The following ADK variants were observed in gnomAD, a reference collection of about 807,000 sequenced individuals.
ADK encodes N6,N6-dimethyladenosine kinase.
Under a neutral mutation model 44.7 loss-of-function variants are expected in ADK, and 24 were observed. That is an observed-to-expected ratio of 0.54 (90% CI 0.39 to 0.76). The LOEUF (loss-of-function observed/expected upper bound fraction) is 0.76, where lower values mean the gene tolerates loss of function less well. Among genes scored for constraint, ADK ranks in the 30% least tolerant of loss-of-function variants. The pLI is 0.00. For synonymous variants in ADK, 128 were observed against 142.6 expected (o/e 0.90, Z 0.73); for missense variants, 321 against 425.1 (o/e 0.76, Z 2.15).
At chr10:74,582,269 C>T (rs1851397197) in intron 7 of ADK, among the ~76,000 whole-genome samples, 1 of 151,672 alleles carries the variant, frequency 6.6e-6, no homozygotes, top group Admixed American at 6.6e-5. Context: ...TGTGATCCTG[C>T]CACTGTATTC....
intron 9 of ADK, among the ~76,000 whole-genome samples, chr10:74,633,281 A>G (rs1008428981): frequency 1.3e-5 from 2 of 152,174 alleles, no homozygotes; most frequent in East Asian, 1.9e-4. Context: ...TTTGCTTAAT[A>G]TATCTTAGAG....
At chr10:74,296,278 G>T (rs2132498532) in intron 3 of ADK, among the ~76,000 whole-genome samples, 1 of 152,098 alleles carries the variant, frequency 6.6e-6, no homozygotes, top group Admixed American at 6.5e-5. Flanking sequence ...AAAGTCCAAG[G>T]CCTACTTCTT....
At chr10:74,336,032 T>A (rs945010571) in intron 4 of ADK, among the ~76,000 whole-genome samples, 2 of 152,202 alleles carry the variant, frequency 1.3e-5, no homozygotes, top group African/African-American at 2.4e-5. Context: ...CAAATTTATG[T>A]ACTTTTAAAA....
Position 74,324,065 on chromosome 10 carries a change from G to A in ADK, c.273+9320G>A, listed in dbSNP as rs532981521. Among the ~76,000 whole-genome samples the A allele has an allele frequency of 3.5e-3, 523 of 149,420 alleles. 4 individuals carry two copies. The highest frequency in any genetic ancestry group is 5.9e-3 in the Non-Finnish European group (394 of 67,002). ...GGAGATGGCATCTTGCTCTGTCTTC[G>A]AGGCTGGAGTGCAGTGGCACAATCA... On this transcript the variant is annotated intron_variant, in intron 4 of 10. Coordinates refer to ENST00000539909, the MANE Select transcript of ADK (RefSeq NM_006721.4).
At chr10:74,493,675 C>T (rs1352635794) in intron 6 of ADK, among the ~76,000 whole-genome samples, 1 of 151,950 alleles carries the variant, frequency 6.6e-6, no homozygotes, top group Admixed American at 6.6e-5. Flanking sequence ...CAATTCTTAG[C>T]ACATAACTCT....
chr10:74,685,919 G>A (rs1855768703), intron 10 of ADK, among the ~76,000 whole-genome samples: 1 of 151,926 alleles, frequency 6.6e-6, no homozygotes, highest in Non-Finnish European at 1.5e-5. Flanking sequence ...TATTATAACA[G>A]TGGTTAAGAC....
At chr10:74,336,196 G>A (rs189029279) in intron 4 of ADK, among the ~76,000 whole-genome samples, 89 of 148,880 alleles carry the variant, frequency 6.0e-4, no homozygotes, top group African/African-American at 2.0e-3. Context: ...ATTGGGTGAG[G>A]TCTGTAACAG....
At chr10:74,422,934 G>A (rs1844615607) in intron 6 of ADK, among the ~76,000 whole-genome samples, 2 of 152,260 alleles carry the variant, frequency 1.3e-5, no homozygotes, top group South Asian at 4.2e-4. Context: ...GGAGGGGGCT[G>A]CAGCCTGATG....
At position 74,210,201 on chromosome 10, in the gene ADK, C is replaced by T. The variant is rs993200104; in HGVS notation, c.140+9363C>T. Among the ~76,000 whole-genome samples the T allele has an allele frequency of 7.2e-5, 11 of 151,754 alleles. No individual in the cohort carries two copies. The East Asian group carries it at 1.4e-3, about 19-fold the overall frequency. On this transcript the variant is annotated intron_variant, in intron 2 of 10. Transcript: ENST00000539909. ...AAAATTAGCTGGGTGTGGTGGCACA[C>T]GCCTGCAGTCCCAGCTACTCAGGAG...
chr10:74,289,556 G>A (rs1464829269), intron 3 of ADK, among the ~76,000 whole-genome samples: 1 of 152,082 alleles, frequency 6.6e-6, no homozygotes, highest in Non-Finnish European at 1.5e-5. Flanking sequence ...GGAGTGTTAT[G>A]TTTTTGTTGA....
At chr10:74,522,769 C>T (rs904802298) in intron 6 of ADK, among the ~76,000 whole-genome samples, 26 of 151,966 alleles carry the variant, frequency 1.7e-4, no homozygotes, top group African/African-American at 6.3e-4. Context: ...AAGGTTATTT[C>T]TTCCATTTAT....
intron 7 of ADK, among the ~76,000 whole-genome samples, chr10:74,567,690 GTTTTTTTTGTTTTT>G (rs1850726051): frequency 8.1e-6 from 1 of 122,772 alleles, no homozygotes; most frequent in Non-Finnish European, 1.7e-5. Flanking sequence ...TGTTTTTTTT[GTTTTTTTTGTTTTT>G]TTTTTTTTTT....
At chr10:74,698,797 G>C (rs940937924) in intron 10 of ADK, among the ~76,000 whole-genome samples, 10 of 151,972 alleles carry the variant, frequency 6.6e-5, no homozygotes, top group Admixed American at 6.6e-5. Flanking sequence ...GGGCTCAAAT[G>C]ATCTGGGTGC....
At chr10:74,671,339 A>G (rs1379424182) in intron 10 of ADK, among the ~76,000 whole-genome samples, 1 of 151,874 alleles carries the variant, frequency 6.6e-6, no homozygotes, top group Non-Finnish European at 1.5e-5. Flanking sequence ...CTGGGACCAC[A>G]GGTGCATGCC....
chr10:74,583,568 G>T (rs984027732), intron 7 of ADK, among the ~76,000 whole-genome samples: 1 of 152,062 alleles, frequency 6.6e-6, no homozygotes, highest in Non-Finnish European at 1.5e-5. Context: ...TGAAGTTTTG[G>T]TTTTTGTTGT....
chr10:74,503,755 AT>A (rs1218828167), intron 6 of ADK, among the ~76,000 whole-genome samples: 1 of 152,158 alleles, frequency 6.6e-6, no homozygotes, highest in Admixed American at 6.5e-5. Context: ...ATGGAGAAGG[AT>A]TATAACACTA....
intron 7 of ADK, among the ~76,000 whole-genome samples, chr10:74,536,989 T>C (rs1334626522): frequency 6.6e-6 from 1 of 152,226 alleles, no homozygotes; most frequent in Non-Finnish European, 1.5e-5. Context: ...GAGTTCCTGC[T>C]TTTAACTCTT....
intron 1 of ADK, among the ~76,000 whole-genome samples, chr10:74,180,262 G>A (rs1273522222): frequency 1.3e-5 from 2 of 149,408 alleles, no homozygotes; most frequent in Non-Finnish European, 3.0e-5. Context: ...TTTTGAGACA[G>A]TGTCTTGCTC....
chr10:74,312,339 A>G (rs1423943998), intron 3 of ADK, among the ~76,000 whole-genome samples: 1 of 151,836 alleles, frequency 6.6e-6, no homozygotes, highest in Non-Finnish European at 1.5e-5. Flanking sequence ...TATATTATAT[A>G]TGAGAGATAG....
Sources: gnomAD v4.1 joint callset for allele counts (sites outside exome capture counted in the v4.1 genomes callset) on GRCh38, gnomAD v4.1.1 for gene constraint, MANE v1.5 for transcripts, NCBI Gene and HGNC (gene_info 2026-07-23, HGNC 2026-07-21) for gene names.